CEP112: variants seen among roughly 807,000 people sequenced by gnomAD.
The protein encoded by CEP112 is centrosomal protein 112.
Under a neutral mutation model 153.0 loss-of-function variants are expected in CEP112, and 127 were observed. The observed-to-expected ratio is 0.83, with a 90% CI of 0.72 to 0.96. The LOEUF is 0.96. Among genes scored for constraint, CEP112 ranks in the 40% least tolerant of loss-of-function variants. CEP112 has a pLI of 0.00. For missense variants in CEP112, 1,089 were observed against 1,101.2 expected, an observed-to-expected ratio of 0.99 and a Z score of 0.16; for synonymous variants, 358 against 374.4, an observed-to-expected ratio of 0.96 and a Z score of 0.51.
chr17:65,863,660 G>A (rs1379886533), intron 20 of CEP112, among the ~76,000 whole-genome samples: 1 of 150,330 alleles, frequency 6.7e-6, no homozygotes. Flanking sequence ...TCGGGAGACC[G>A]AGGCAGGAGA....
intron 22 of CEP112, 109 bp downstream of exon 22, chr17:65,750,553 A>C: frequency 1.2e-6 from 1 of 857,884 alleles, no homozygotes; most frequent in Non-Finnish European, 1.9e-6. Flanking sequence ...CATTCCACAA[A>C]AAAAAACTGA....
At chr17:66,174,991 C>T (rs968743895) in intron 4 of CEP112, 53 bp downstream of exon 4, 4 of 1,297,504 alleles carry the variant, frequency 3.1e-6, no homozygotes, top group Non-Finnish European at 4.1e-6. Flanking sequence ...AAATCAGTTC[C>T]AAAGACAGAC....
At chr17:65,894,568 T>C (rs1438008378) in intron 20 of CEP112, among the ~76,000 whole-genome samples, 2 of 152,100 alleles carry the variant, frequency 1.3e-5, no homozygotes, top group East Asian at 1.9e-4. Context: ...GAATGGATCA[T>C]ATGTAATATT....
At chr17:65,693,544 A>C (rs993719819) in intron 23 of CEP112, among the ~76,000 whole-genome samples, 2 of 151,972 alleles carry the variant, frequency 1.3e-5, no homozygotes, top group African/African-American at 4.8e-5. Context: ...GGGATGGGTG[A>C]AGTGGAACCG....
intron 23 of CEP112, among the ~76,000 whole-genome samples, chr17:65,730,040 T>C (rs1273034104): frequency 1.3e-5 from 2 of 152,250 alleles, no homozygotes; most frequent in African/African-American, 2.4e-5. Flanking sequence ...TCACCTGTGT[T>C]CTTTTGATCA....
At chr17:66,102,899 C>CA (rs1166445738) in intron 6 of CEP112, among the ~76,000 whole-genome samples, 1 of 150,408 alleles carries the variant, frequency 6.6e-6, no homozygotes, top group African/African-American at 2.4e-5. Flanking sequence ...TGGAATCTAC[C>CA]AAAAAAACTA....
intron 17 of CEP112, among the ~76,000 whole-genome samples, chr17:66,003,482 C>G (rs921232972): frequency 6.6e-6 from 1 of 152,174 alleles, no homozygotes; most frequent in African/African-American, 2.4e-5. Flanking sequence ...CCTAGTTATT[C>G]TAAGTACTTC....
intron 24 of CEP112, among the ~76,000 whole-genome samples, chr17:65,650,485 C>G (rs9916262): frequency 0.23 from 35,240 of 152,016 alleles, 5,618 homozygotes; most frequent in East Asian, 0.46. Context: ...ATCCCTAACA[C>G]GTTTCCTCCC....
At chr17:66,171,219 T>A (rs1306433741) in intron 4 of CEP112, among the ~76,000 whole-genome samples, 2 of 152,142 alleles carry the variant, frequency 1.3e-5, no homozygotes, top group Non-Finnish European at 2.9e-5. Context: ...ACAAACAGCA[T>A]CATCTAAAAT....
intron 23 of CEP112, among the ~76,000 whole-genome samples, chr17:65,705,295 T>TAC (rs1337909359): frequency 2.0e-5 from 3 of 152,254 alleles, no homozygotes. Flanking sequence ...AATAGTGACC[T>TAC]ACATTATTGA....
chr17:65,970,209 A>ATT, intron 17 of CEP112, among the ~76,000 whole-genome samples: 1 of 110,512 alleles, frequency 9.0e-6, no homozygotes, highest in African/African-American at 3.0e-5. Flanking sequence ...CATGCATGTC[A>ATT]TGCATGCATA....
intron 16 of CEP112, among the ~76,000 whole-genome samples, chr17:66,024,359 G>A (rs918960068): frequency 6.6e-6 from 1 of 151,848 alleles, no homozygotes; most frequent in Non-Finnish European, 1.5e-5. Context: ...CATCCAAATA[G>A]AAAAAGAGGA....
At chr17:65,823,376 C>T (rs2056686730) in intron 21 of CEP112, among the ~76,000 whole-genome samples, 1 of 152,048 alleles carries the variant, frequency 6.6e-6, no homozygotes, top group Non-Finnish European at 1.5e-5. Flanking sequence ...ACTAGTAGGC[C>T]ACATATATGT....
chr17:65,808,314 T>C (rs1382933076), intron 21 of CEP112, among the ~76,000 whole-genome samples: 1 of 152,172 alleles, frequency 6.6e-6, no homozygotes, highest in Non-Finnish European at 1.5e-5. Flanking sequence ...TACAGGCTCA[T>C]AGGTGGAAGG....
At chr17:66,151,906 A>T (rs1025635817) in intron 4 of CEP112, among the ~76,000 whole-genome samples, 7 of 152,216 alleles carry the variant, frequency 4.6e-5, no homozygotes, top group Admixed American at 1.3e-4. Context: ...AAATTAAAAA[A>T]TTTTAAAAAA....
intron 23 of CEP112, among the ~76,000 whole-genome samples, chr17:65,695,129 G>A (rs1162072696): frequency 6.6e-6 from 1 of 152,056 alleles, no homozygotes; most frequent in Non-Finnish European, 1.5e-5. Context: ...TGCTGGTCGG[G>A]AATAAAGAAT....
chr17:66,054,115 A>G (rs376467752), intron 11 of CEP112, among the ~76,000 whole-genome samples: 245 of 152,322 alleles, frequency 1.6e-3, no homozygotes, highest in African/African-American at 5.7e-3. Context: ...ATGGATGAAC[A>G]AATATTAAAA....
At position 65,641,037 on chromosome 17, in the gene CEP112, G is replaced by T; in HGVS notation, c.2726C>A (p.Thr909Lys). Residue 909 changes from threonine to lysine, a missense_variant, in exon 25 of 27, where the codon ACA (threonine) becomes AAA (lysine). Transcript: ENST00000535342. ...TGCTGGCATCAATCCTTTCAATTTT[G>T]TTTCATATTCTTGTCGTATGTAAGT... is the stretch of plus-strand genomic sequence containing the variant. ...QITYIRQEYETKLKGLMPASL... is the reference protein window; with the variant it reads ...QITYIRQEYEKKLKGLMPASL... The T allele has an allele frequency of 6.2e-7, 1 of 1,607,958 alleles. No individual in the cohort carries two copies. Among genetic ancestry groups the T allele is most frequent in the Non-Finnish European group, 8.5e-7 (1 of 1,174,694 alleles).
At chr17:65,961,140 A>G (rs1299224362) in intron 18 of CEP112, among the ~76,000 whole-genome samples, 1 of 152,220 alleles carries the variant, frequency 6.6e-6, no homozygotes, top group African/African-American at 2.4e-5. Context: ...AAACACAGAC[A>G]TGGTTAACTG....
Sources: allele counts gnomAD v4.1 joint callset (sites outside exome capture counted in the v4.1 genomes callset), GRCh38; gene constraint gnomAD v4.1.1; transcripts MANE v1.5; gene names NCBI Gene and HGNC (gene_info 2026-07-23, HGNC 2026-07-21).